Variants in FAT3 observed in about 807,000 individuals in gnomAD.
The protein encoded by FAT3 is FAT atypical cadherin 3, also known as protocadherin Fat 3.
Under a neutral mutation model 310.2 loss-of-function variants are expected in FAT3, and 95 were observed. The ratio of observed to expected loss-of-function variants is 0.31; its 90% CI spans 0.26 to 0.36. FAT3 has a LOEUF of 0.36. FAT3 is among the 10% of genes least tolerant of loss of function. FAT3 has a pLI of 1.00. For missense variants in FAT3, 5,408 were observed against 5,715.6 expected (o/e 0.95, Z 1.74); for synonymous variants, 2,314 against 2,192.9 (o/e 1.06, Z -1.54).
chr11:92,749,543 C>T (rs1317061672), intron 4 of FAT3, among the ~76,000 whole-genome samples: 1 of 152,184 alleles, frequency 6.6e-6, no homozygotes, highest in Non-Finnish European at 1.5e-5. Context: ...CTCTTAACAT[C>T]TAGTGACTCT....
chr11:92,611,026 C>T (rs776270493), intron 3 of FAT3, among the ~76,000 whole-genome samples: 8 of 152,086 alleles, frequency 5.3e-5, no homozygotes, highest in African/African-American at 1.2e-4. Flanking sequence ...TTCTGCTGGC[C>T]GTTTTATTGT....
chr11:92,403,995 A>C (rs1950082553), intron 2 of FAT3, among the ~76,000 whole-genome samples: 1 of 152,056 alleles, frequency 6.6e-6, no homozygotes, highest in South Asian at 2.1e-4. Context: ...AGATTGTGCC[A>C]CTGCACTCCA....
intron 3 of FAT3, among the ~76,000 whole-genome samples, chr11:92,689,629 GT>G (rs1446189170): frequency 6.6e-6 from 1 of 152,178 alleles, no homozygotes; most frequent in East Asian, 1.9e-4. Context: ...ATGAAGACTG[GT>G]GATGAGGAGA....
rs530522656 is a variant in FAT3, at chr11:92,720,719, C to G, written c.3669+23274C>G. ...ATGCTGCAGTTTCTGTAATTTAACT[C>G]TTCTTCATCTTTTCTAATAGCAATT... is the stretch of plus-strand genomic sequence containing the variant. On this transcript the variant is annotated intron_variant, in intron 4 of 27. Coordinates refer to ENST00000525166, the MANE Select transcript of FAT3 (RefSeq NM_001367949.2). Among the ~76,000 whole-genome samples, 47 of 152,188 alleles carry G rather than the reference C, an allele frequency of 3.1e-4. 1 individual carries two copies. Among genetic ancestry groups the G allele is most frequent in the African/African-American group, 1.1e-3 (44 of 41,550 alleles).
At chr11:92,588,166 T>C (rs533953153) in intron 3 of FAT3, among the ~76,000 whole-genome samples, 2 of 151,996 alleles carry the variant, frequency 1.3e-5, no homozygotes, top group Middle Eastern at 3.4e-3. Flanking sequence ...AGAGCATGCA[T>C]ACTTTCAACA....
At chr11:92,770,806 C>A (rs1453500527) in intron 6 of FAT3, among the ~76,000 whole-genome samples, 2 of 152,136 alleles carry the variant, frequency 1.3e-5, no homozygotes, top group African/African-American at 4.8e-5. Context: ...GAATCACGGC[C>A]CAGTGCTCCA....
chr11:92,346,867 G>A (rs1174606626), intron 1 of FAT3, among the ~76,000 whole-genome samples: 1 of 151,984 alleles, frequency 6.6e-6, no homozygotes, highest in Non-Finnish European at 1.5e-5. Flanking sequence ...TTTGATGGGT[G>A]TTTTTTTCTA....
intron 13 of FAT3, among the ~76,000 whole-genome samples, chr11:92,814,970 G>A (rs953397037): frequency 1.4e-4 from 21 of 152,200 alleles, no homozygotes; most frequent in African/African-American, 4.8e-4. Context: ...TTGGGAAAGT[G>A]TGGACCCAAC....
At chr11:92,303,356 C>A (rs1456610713) in intron 1 of FAT3, among the ~76,000 whole-genome samples, 1 of 152,024 alleles carries the variant, frequency 6.6e-6, no homozygotes, top group Non-Finnish European at 1.5e-5. Flanking sequence ...ATTATTTTCT[C>A]ATTTGTCAGG....
intron 3 of FAT3, among the ~76,000 whole-genome samples, chr11:92,648,088 T>C (rs1375227913): frequency 6.6e-6 from 1 of 152,176 alleles, no homozygotes; most frequent in Non-Finnish European, 1.5e-5. Flanking sequence ...ATTGGAGGCA[T>C]AAGGTCTTCT....
intron 21 of FAT3, among the ~76,000 whole-genome samples, chr11:92,861,523 A>G (rs1047703657): frequency 3.9e-5 from 6 of 152,202 alleles, no homozygotes; most frequent in African/African-American, 1.2e-4. Context: ...ATCTTGGTAA[A>G]TGGAATTCTA....
At chr11:92,477,668 G>A (rs1227188516) in intron 2 of FAT3, among the ~76,000 whole-genome samples, 2 of 152,180 alleles carry the variant, frequency 1.3e-5, no homozygotes, top group East Asian at 1.9e-4. Flanking sequence ...GACAGAAAAT[G>A]TGTTATTTCT....
At chr11:92,493,693 A>G (rs1591364350) in intron 2 of FAT3, among the ~76,000 whole-genome samples, 1 of 152,228 alleles carries the variant, frequency 6.6e-6, no homozygotes. Flanking sequence ...TGAAGAGTCA[A>G]TCTGCTCTGA....
intron 3 of FAT3, among the ~76,000 whole-genome samples, chr11:92,614,748 G>A (rs999945054): frequency 9.9e-5 from 15 of 152,166 alleles, no homozygotes; most frequent in South Asian, 4.1e-4. Context: ...CTTTTCTCAC[G>A]TGTGTTTTTT....
intron 1 of FAT3, among the ~76,000 whole-genome samples, chr11:92,276,175 T>A (rs1188563008): frequency 1.3e-5 from 2 of 152,188 alleles, no homozygotes; most frequent in African/African-American, 4.8e-5. Flanking sequence ...CAATGGCTAA[T>A]ACATTAACCC....
At chr11:92,711,000 A>G (rs762466032) in intron 4 of FAT3, among the ~76,000 whole-genome samples, 2 of 152,222 alleles carry the variant, frequency 1.3e-5, no homozygotes, top group Non-Finnish European at 2.9e-5. Context: ...TCATGTAACT[A>G]TGATCATATA....
intron 5 of FAT3, among the ~76,000 whole-genome samples, chr11:92,763,585 A>G (rs1324082615): frequency 6.6e-6 from 1 of 152,104 alleles, no homozygotes; most frequent in Non-Finnish European, 1.5e-5. Context: ...CTACATTCCC[A>G]GCCTCCAGTC....
chr11:92,710,615 A>G (rs75832575), intron 4 of FAT3, among the ~76,000 whole-genome samples: 3 of 152,170 alleles, frequency 2.0e-5, no homozygotes, highest in Non-Finnish European at 4.4e-5. Flanking sequence ...AGCATTTTTT[A>G]CAACAGAAGG....
At chr11:92,630,717 G>T (rs1941526778) in intron 3 of FAT3, among the ~76,000 whole-genome samples, 2 of 152,132 alleles carry the variant, frequency 1.3e-5, no homozygotes, top group African/African-American at 4.8e-5. Context: ...TTTCTCCTCT[G>T]TGTCTCAGCT....
Sources: allele counts gnomAD v4.1 joint callset (sites outside exome capture counted in the v4.1 genomes callset), GRCh38; gene constraint gnomAD v4.1.1; transcripts MANE v1.5; gene names NCBI Gene and HGNC (gene_info 2026-07-23, HGNC 2026-07-21).